GLIS3: variants seen among roughly 807,000 people sequenced by gnomAD.
GLIS3 encodes GLIS family zinc finger 3, also known as zinc finger protein GLIS3.
GLIS3 carries 53 observed loss-of-function variants against 78.6 expected under a neutral mutation model. The ratio of observed to expected loss-of-function variants is 0.67; its 90% CI spans 0.54 to 0.85. The LOEUF is 0.85. Ranked by LOEUF, GLIS3 falls within the 40% of genes least tolerant of loss-of-function variation. The pLI, the probability that GLIS3 is intolerant of heterozygous loss-of-function variation, is 0.00. For missense variants in GLIS3, 1,703 were observed against 1,231.1 expected, an observed-to-expected ratio of 1.38 and a Z score of -5.74; for synonymous variants, 684 against 509.9, an observed-to-expected ratio of 1.34 and a Z score of -4.60.
the GLIS3 span, among the ~76,000 whole-genome samples, chr9:4,449,491 G>C: frequency 1.3e-5 from 2 of 152,242 alleles, no homozygotes; most frequent in Non-Finnish European, 2.9e-5. Context: ...TGGTGTTCAA[G>C]CTCTGAGAAT....
At chr9:3,939,616 A>T (rs552136315) in intron 4 of GLIS3, among the ~76,000 whole-genome samples, 1 of 152,196 alleles carries the variant, frequency 6.6e-6, no homozygotes, top group Non-Finnish European at 1.5e-5. Context: ...CAACAAAAAG[A>T]TTATCCGTAA....
At chr9:4,358,528 G>A in the GLIS3 span, among the ~76,000 whole-genome samples, 1 of 152,144 alleles carries the variant, frequency 6.6e-6, no homozygotes, top group African/African-American at 2.4e-5. Context: ...TACCTACTAT[G>A]TTCCAGCACG....
At chr9:4,169,034 C>A (rs1816133710) in intron 2 of GLIS3, among the ~76,000 whole-genome samples, 2 of 152,192 alleles carry the variant, frequency 1.3e-5, no homozygotes, top group African/African-American at 4.8e-5. Flanking sequence ...CTATGGGTCA[C>A]AGATCATCAC....
the GLIS3 span, among the ~76,000 whole-genome samples, chr9:4,370,893 T>G: frequency 6.6e-6 from 1 of 151,980 alleles, no homozygotes; most frequent in African/African-American, 2.4e-5. Context: ...TAGTGAAACC[T>G]CAGAAGGCAA....
the GLIS3 span, among the ~76,000 whole-genome samples, chr9:4,427,615 T>C: frequency 2.0e-5 from 3 of 152,036 alleles, no homozygotes; most frequent in Admixed American, 2.0e-4. Flanking sequence ...TCCCAGCATT[T>C]TGGGAGGCTG....
At chr9:4,159,737 A>C (rs534150139) in intron 2 of GLIS3, among the ~76,000 whole-genome samples, 152 of 152,154 alleles carry the variant, frequency 1.0e-3, no homozygotes, top group Non-Finnish European at 1.4e-3. Context: ...AAAAAAAGAA[A>C]GAAAAGAAAA....
the GLIS3 span, among the ~76,000 whole-genome samples, chr9:4,396,049 G>A: frequency 6.6e-6 from 1 of 151,762 alleles, no homozygotes; most frequent in Non-Finnish European, 1.5e-5. Flanking sequence ...TGGGATTACA[G>A]GAGTGAGCCA....
At chr9:4,367,434 G>T in the GLIS3 span, among the ~76,000 whole-genome samples, 1 of 151,812 alleles carries the variant, frequency 6.6e-6, no homozygotes, top group Non-Finnish European at 1.5e-5. Context: ...CCTAAACTAG[G>T]TCTTCCTGCT....
the GLIS3 span, among the ~76,000 whole-genome samples, chr9:4,398,725 G>A: frequency 1.3e-5 from 2 of 151,548 alleles, no homozygotes; most frequent in Admixed American, 6.6e-5. Flanking sequence ...GTTTCACTCT[G>A]TCACCCAGCT....
intron 9 of GLIS3, among the ~76,000 whole-genome samples, chr9:3,838,633 G>C (rs10973733): frequency 6.6e-6 from 1 of 151,962 alleles, no homozygotes; most frequent in East Asian, 1.9e-4. Context: ...GCTTCCCAGG[G>C]ATTCAAACAC....
intron 2 of GLIS3, among the ~76,000 whole-genome samples, chr9:4,148,827 G>A (rs183807815): frequency 1.0e-3 from 156 of 152,164 alleles, no homozygotes; most frequent in African/African-American, 3.7e-3. Context: ...CCTGGAGTGG[G>A]GGTAACGTGG....
intron 2 of GLIS3, among the ~76,000 whole-genome samples, chr9:4,177,130 AAAAACAAAACAAAACAAAACAAAAC>A (rs60164998): frequency 6.6e-6 from 1 of 151,040 alleles, no homozygotes; most frequent in Admixed American, 6.6e-5. Flanking sequence ...TTTGATGAGC[AAAAACAAAACAAAACAAAACAAAAC>A]AAAACAAAAC....
At chr9:4,200,266 A>C (rs916194368) in intron 2 of GLIS3, among the ~76,000 whole-genome samples, 4 of 152,156 alleles carry the variant, frequency 2.6e-5, no homozygotes, top group African/African-American at 7.2e-5. Flanking sequence ...AGAACAAACT[A>C]ACTCCAGAGC....
At chr9:4,215,074 G>C (rs538631583) in intron 2 of GLIS3, among the ~76,000 whole-genome samples, 2 of 152,286 alleles carry the variant, frequency 1.3e-5, no homozygotes, top group Admixed American at 6.5e-5. Context: ...TGATGGTGCA[G>C]AGATTCACAA....
chr9:4,484,161 G>C, the GLIS3 span, among the ~76,000 whole-genome samples: 1 of 152,040 alleles, frequency 6.6e-6, no homozygotes, highest in Non-Finnish European at 1.5e-5. Context: ...ATCTGACATA[G>C]CTGACTCTAC....
chr9:3,998,682 G>A (rs1176403246), intron 4 of GLIS3, among the ~76,000 whole-genome samples: 1 of 150,890 alleles, frequency 6.6e-6, no homozygotes, highest in Non-Finnish European at 1.5e-5. Context: ...TATACAGTTA[G>A]AATTCTTTTC....
chr9:4,057,163 C>G (rs956293414), intron 4 of GLIS3, among the ~76,000 whole-genome samples: 8 of 152,112 alleles, frequency 5.3e-5, no homozygotes. Context: ...AGAGAGAATA[C>G]TAATTCCAGG....
the GLIS3 span, among the ~76,000 whole-genome samples, chr9:4,470,886 G>A: frequency 4.6e-5 from 7 of 151,992 alleles, no homozygotes; most frequent in African/African-American, 1.7e-4. Flanking sequence ...TCCTTAAGCT[G>A]ATAAGCAACT....
intron 2 of GLIS3, among the ~76,000 whole-genome samples, chr9:4,131,207 A>G (rs139043665): frequency 6.6e-6 from 1 of 152,178 alleles, no homozygotes; most frequent in Admixed American, 6.5e-5. Flanking sequence ...ACAGGCTCAT[A>G]TAGGTGGAAG....
Sources: allele counts gnomAD v4.1 joint callset (sites outside exome capture counted in the v4.1 genomes callset), GRCh38; gene constraint gnomAD v4.1.1; transcripts MANE v1.5; gene names NCBI Gene and HGNC (gene_info 2026-07-23, HGNC 2026-07-21).